The following MYH4 variants were observed in gnomAD, a reference collection of about 807,000 sequenced individuals.
The protein encoded by MYH4 is myosin-4.
MYH4 carries 200 observed loss-of-function variants against 229.9 expected under a neutral mutation model. That is an observed-to-expected ratio of 0.87 (90% CI 0.78 to 0.98). The LOEUF (loss-of-function observed/expected upper bound fraction) is 0.98, where lower values mean the gene tolerates loss of function less well. Among genes scored for constraint, MYH4 ranks in the 50% least tolerant of loss-of-function variants. MYH4 has a pLI of 0.00. For missense variants in MYH4, 2,148 were observed against 2,332.6 expected (o/e 0.92, Z 1.63); for synonymous variants, 761 against 834.6 (o/e 0.91, Z 1.52).
rs765488560 is a variant in MYH4 at position 10,453,664 on chromosome 17, C to G, written c.2913G>C (p.Glu971Asp). ...GTACCTTGTTCTCTGTGGCATGTTTCTCCTTCTCAACCTTGGCCAGTGTCA... is the reference window on the plus strand; with the variant it reads ...GTACCTTGTTCTCTGTGGCATGTTTGTCCTTCTCAACCTTGGCCAGTGTCA... ...LELTLAKVEKEKHATENKVKN... is the reference protein window; with the variant it reads ...LELTLAKVEKDKHATENKVKN... The change falls in exon 23 of 40, where the codon GAG becomes GAC. Residue 971 changes from glutamate (E) to aspartate (D), a missense_variant. By Grantham distance (45) the Glu-to-Asp change is conservative. Transcript: ENST00000255381. 8 of 1,614,022 alleles carry G rather than the reference C, an allele frequency of 5.0e-6. No homozygotes were observed. The highest frequency in any genetic ancestry group is 1.6e-4 in the Middle Eastern group (1 of 6,062).
At chr17:10,462,355 A>G (rs1056635721) in intron 11 of MYH4, among the ~76,000 whole-genome samples, 2 of 152,180 alleles carry the variant, frequency 1.3e-5, no homozygotes, top group Admixed American at 1.3e-4. Flanking sequence ...CCCCAAAATG[A>G]GTGTTTTTGA....
In MYH4 at chr17:10,444,963, TGTG is replaced by T. The variant is rs751751519; in HGVS notation, c.5466+10_5466+12del. 96 of 1,614,150 alleles carry T rather than the reference TGTG, an allele frequency of 5.9e-5. 1 individual carries two copies. The South Asian group carries it at 9.7e-4, about 16-fold the overall frequency. On this transcript the variant is annotated intron_variant, in intron 37 of 39. Coordinates refer to ENST00000255381, the MANE Select transcript of MYH4 (RefSeq NM_017533.2). ...CTGGCCACAAGGAATTGAGTGAAGT[TGTG>T]GAGACCTACCCTGGCCTCCAGTTTC...
At chr17:10,465,770 C>CTTTT (rs957442606) in intron 4 of MYH4, among the ~76,000 whole-genome samples, 172 bp from the exon 5 acceptor site, 137 of 97,986 alleles carry the variant, frequency 1.4e-3, no homozygotes, top group Middle Eastern at 8.2e-3. Flanking sequence ...TTCAGTTTTT[C>CTTTT]TTTTTTTTTT....
chr17:10,445,396 A>G, intron 35 of MYH4, 34 bp from the exon 36 acceptor site: 1 of 1,612,878 alleles, frequency 6.2e-7, no homozygotes, highest in South Asian at 1.1e-5. Context: ...AGAGAAGCAC[A>G]TTTACTTATA....
Position 10,455,874 on chromosome 17 carries a change from A to G in MYH4, c.1996T>C (p.Leu666=), listed in dbSNP as rs2072633662. 3 of 1,614,098 alleles carry G rather than the reference A, an allele frequency of 1.9e-6. No homozygotes were observed. Among genetic ancestry groups the G allele is most frequent in the Admixed American group, 1.7e-5 (1 of 60,008 alleles). Residue 666 remains leucine (L), a synonymous_variant, in exon 18 of 40, where the codon TTG becomes CTG. Coordinates refer to ENST00000255381, the MANE Select transcript of MYH4 (RefSeq NM_017533.2). Reference sequence around the variant, plus strand: ...ACAAAGTGGGGGTGAGTGCTCCTCAAGTTGGTCATCAGCTTATTCAAATTC... The same window carrying G: ...ACAAAGTGGGGGTGAGTGCTCCTCAGGTTGGTCATCAGCTTATTCAAATTC... ...RENLNKLMTN[L]RSTHPHFVRC... is the part of the protein sequence containing the mutation.
chr17:10,459,161 C>G, intron 15 of MYH4, 90 bp downstream of exon 15: 1 of 1,601,314 alleles, frequency 6.2e-7, no homozygotes, highest in Non-Finnish European at 8.5e-7. Flanking sequence ...AACAGCACTG[C>G]TTGTTCTTTG....
Position 10,443,608 on chromosome 17 carries a change from C to T in MYH4, c.5668-81G>A, listed in dbSNP as rs2072480279. The T allele has an allele frequency of 6.8e-7, 1 of 1,464,172 alleles. No individual in the cohort carries two copies. Among genetic ancestry groups the T allele is most frequent in the African/African-American group, 1.4e-5 (1 of 71,048 alleles). 90.7% of individuals were successfully genotyped at this position (1,464,172 alleles called of 1,614,324 possible). A position where few individuals can be genotyped will look rare whatever the true frequency, so the allele number is the denominator to read the frequency against. On this transcript the variant is annotated intron_variant, in intron 39 of 39. Transcript: ENST00000255381. The surrounding 1 kb of genome is among the most constrained non-coding windows in gnomAD (Gnocchi z 4.6). ...ATTGCTTTTGTTACTTCAGGATTTG[C>T]CTCATGAATGAGAAAGAAAAAGGCT...
chr17:10,444,858 G>A lies in MYH4; in HGVS notation c.5508C>T (p.His1836=). The change falls in exon 38 of 40, where the codon CAC becomes CAT. Residue 1836 remains histidine, a synonymous_variant. Transcript: ENST00000255381. ...GAAGACCCTTGACAGCCTCAACATT[G>A]TGCTTCTGTTCACTTTCCACCTCAC... is the stretch of plus-strand genomic sequence containing the variant. ...LESEVESEQK[H]NVEAVKGLRK... 8 of 1,614,060 alleles carry A rather than the reference G, an allele frequency of 5.0e-6. No individual in the cohort carries two copies. Among genetic ancestry groups the A allele is most frequent in the Middle Eastern group, 1.6e-4 (1 of 6,062 alleles).
At chr17:10,460,424 G>A in intron 12 of MYH4, 103 bp from the exon 13 acceptor site, 1 of 923,438 alleles carries the variant, frequency 1.1e-6, no homozygotes, top group East Asian at 2.5e-5. Flanking sequence ...AAAGTAAGAT[G>A]TGCAAATGTC....
chr17:10,460,355 CA>C, intron 12 of MYH4, 34 bp from the exon 13 acceptor site: 1 of 1,442,448 alleles, frequency 6.9e-7, no homozygotes, highest in South Asian at 1.2e-5. Flanking sequence ...TGAAACTGAC[CA>C]TGGCTTACAC....
chr17:10,461,431 C>A (rs1277463859), intron 11 of MYH4, among the ~76,000 whole-genome samples: 1 of 152,016 alleles, frequency 6.6e-6, no homozygotes, highest in Non-Finnish European at 1.5e-5. Flanking sequence ...ATTTTTGTTT[C>A]TTTTCTCCAG....
rs2072608864 is a variant in MYH4, at chr17:10,453,989, A to G, written c.2692-104T>C. The G allele has an allele frequency of 4.1e-6, 6 of 1,447,610 alleles. No individual in the cohort carries two copies. In the Admixed American group the frequency reaches 1.0e-4, roughly 25 times the overall value. The allele number at this position is 1,447,610 out of a possible 1,614,324, so 89.7% of individuals were successfully genotyped here. A position where few individuals can be genotyped will look rare whatever the true frequency, so the allele number is the denominator to read the frequency against. On this transcript the variant is annotated intron_variant, in intron 22 of 39. Transcript: ENST00000255381. The stretch of plus-strand genomic sequence containing the variant: ...TTCAGTGACTACCTGTTTGGTCAAC[A>G]TGTATACCAGTTGCTAACTTTTAAA...
chr17:10,450,707 A>G, intron 29 of MYH4, 58 bp from the exon 30 acceptor site: 1 of 1,610,038 alleles, frequency 6.2e-7, no homozygotes, highest in Non-Finnish European at 8.5e-7. Context: ...GAAATTCTCT[A>G]TGCAAAGTTC....
chr17:10,464,371 G>C, intron 7 of MYH4, 101 bp downstream of exon 7: 1 of 971,546 alleles, frequency 1.0e-6, no homozygotes, highest in Non-Finnish European at 1.5e-6. Flanking sequence ...GTATTCCATG[G>C]TGTATACGTA....
At chr17:10,459,037 C>T (rs911736741) in intron 15 of MYH4, among the ~76,000 whole-genome samples, 12 of 152,038 alleles carry the variant, frequency 7.9e-5, no homozygotes, top group East Asian at 1.9e-4. Flanking sequence ...GGGATAAATG[C>T]GAATCCATAT....
intron 11 of MYH4, 36 bp downstream of exon 11, chr17:10,462,829 G>A (rs754935620): frequency 6.5e-7 from 1 of 1,535,410 alleles, no homozygotes. Context: ...ACTGGAAAAT[G>A]AATTTACTTT....
Position 10,466,555 on chromosome 17 carries a change from G to A in MYH4, c.191C>T (p.Thr64Ile), listed in dbSNP as rs568753493. The A allele has an allele frequency of 3.1e-6, 5 of 1,613,844 alleles. No individual in the cohort carries two copies. The African/African-American group carries it at 6.7e-5, about 22-fold the overall frequency. The change falls in exon 3 of 40, where the codon ACC (threonine) becomes ATC (isoleucine). Residue 64 changes from threonine to isoleucine, a missense_variant. Physicochemically the swap from Thr to Ile is moderately conservative, Grantham distance 89. Transcript: ENST00000255381. ...GTTTTTACTCACAGCTCCAGCTTCG[G>A]TCTTGGCTGTCACCTTCCCCCCTTC... Reference protein sequence around the residue: ...SREGGKVTAKTEAGATVTVKE... With the variant: ...SREGGKVTAKIEAGATVTVKE...
chr17:10,454,342 T>A (rs2072613592), intron 22 of MYH4, among the ~76,000 whole-genome samples: 1 of 152,228 alleles, frequency 6.6e-6, no homozygotes, highest in Non-Finnish European at 1.5e-5. Context: ...ATTGATATTT[T>A]TATGAATTTG....
intron 12 of MYH4, among the ~76,000 whole-genome samples, chr17:10,460,535 C>T (rs1461392920): frequency 1.3e-5 from 2 of 152,104 alleles, no homozygotes; most frequent in Non-Finnish European, 2.9e-5. Flanking sequence ...GTTGGGGAAT[C>T]GATGCTGTCT....
Sources: gnomAD v4.1 joint callset for allele counts (sites outside exome capture counted in the v4.1 genomes callset) on GRCh38, gnomAD v4.1.1 for gene constraint, Gnocchi (gnomAD v3.1) non-coding constraint, MANE v1.5 for transcripts, NCBI Gene and HGNC (gene_info 2026-07-23, HGNC 2026-07-21) for gene names.